The following ARSB variants were observed in gnomAD, a reference collection of about 807,000 sequenced individuals.
ARSB encodes N-acetylgalactosamine-4-sulfatase.
In ARSB, 41 loss-of-function variants were observed where a neutral mutation model predicts 50.9. The ratio of observed to expected loss-of-function variants is 0.81; its 90% CI spans 0.63 to 1.04. The LOEUF (loss-of-function observed/expected upper bound fraction) is 1.04, where lower values mean the gene tolerates loss of function less well. ARSB is among the 50% of genes least tolerant of loss of function. The probability of loss-of-function intolerance (pLI) is 0.00; values close to 1 mark genes in which losing one functional copy is unlikely to be tolerated. For missense variants in ARSB, 672 were observed against 693.3 expected (o/e 0.97, Z 0.35); for synonymous variants, 269 against 284.8 (o/e 0.94, Z 0.56).
At chr5:78,901,965 T>G (rs1748830914) in intron 4 of ARSB, among the ~76,000 whole-genome samples, 1 of 152,210 alleles carries the variant, frequency 6.6e-6, no homozygotes, top group African/African-American at 2.4e-5. Flanking sequence ...AAAAACAGTG[T>G]CTTAGTCTTG....
chr5:78,820,871 C>G (rs931955905), intron 6 of ARSB, among the ~76,000 whole-genome samples: 1 of 150,662 alleles, frequency 6.6e-6, no homozygotes, highest in Middle Eastern at 3.4e-3. Flanking sequence ...GGTTGAAAAC[C>G]ACTGATTTAT....
In ARSB at chr5:78,965,063, T is replaced by G. The variant is rs187741735; in HGVS notation, c.500-457A>C. 1.8e-3 allele frequency among the ~76,000 whole-genome samples: 267 copies of G among 152,290 alleles called. 1 individual carries two copies. Among genetic ancestry groups the G allele is most frequent in the Admixed American group, 3.7e-3 (56 of 15,302 alleles). Reference sequence around the variant, plus strand: ...GCTTCAAGGTTATTTACAGAAGTGGTTCTAGGAAGAGTCATCTTTAGTCAG... The same window carrying G: ...GCTTCAAGGTTATTTACAGAAGTGGGTCTAGGAAGAGTCATCTTTAGTCAG... On this transcript the variant is annotated intron_variant, in intron 2 of 7. Transcript: ENST00000264914.
At chr5:78,814,423 A>G (rs1743917578) in intron 6 of ARSB, among the ~76,000 whole-genome samples, 1 of 151,006 alleles carries the variant, frequency 6.6e-6, no homozygotes, top group Admixed American at 6.6e-5. Context: ...TCATGAAGCC[A>G]AGAGATGTTG....
chr5:78,941,432 T>A (rs1031760285), intron 4 of ARSB, among the ~76,000 whole-genome samples: 1 of 152,190 alleles, frequency 6.6e-6, no homozygotes, highest in African/African-American at 2.4e-5. Context: ...CATAGATAGC[T>A]CTTATTCTTT....
At chr5:78,789,975 G>C (rs895756390) in intron 6 of ARSB, among the ~76,000 whole-genome samples, 1 of 152,190 alleles carries the variant, frequency 6.6e-6, no homozygotes, top group South Asian at 2.1e-4. Context: ...GCAAGGGCTT[G>C]GCAGGGTGGT....
chr5:78,951,441 T>C (rs1751491398), intron 4 of ARSB, among the ~76,000 whole-genome samples: 1 of 151,804 alleles, frequency 6.6e-6, no homozygotes, highest in South Asian at 2.1e-4. Flanking sequence ...GATATTAAGG[T>C]GTAGGATTAA....
chr5:78,892,818 A>C (rs1713532878), intron 4 of ARSB, among the ~76,000 whole-genome samples: 1 of 152,180 alleles, frequency 6.6e-6, no homozygotes, highest in South Asian at 2.1e-4. Context: ...AGGGCAGATA[A>C]GTGCTCTGAC....
chr5:78,780,181 C>T lies in ARSB; in HGVS notation c.*216G>A. ...AAAGGGGGATAAACCCAGCCACCCC[C>T]ACCTCTAGACACATGCTCCAGCCAA... On this transcript the variant is annotated 3_prime_UTR_variant, in exon 8 of 8. Transcript: ENST00000264914. The T allele has an allele frequency of 3.3e-6, 2 of 602,104 alleles. No homozygotes were observed. Among genetic ancestry groups the T allele is most frequent in the Non-Finnish European group, 2.9e-6 (1 of 349,084 alleles). The allele number at this position is 602,104 out of a possible 1,614,324, so 37.3% of individuals were successfully genotyped here.
chr5:78,790,550 A>T (rs16875916), intron 6 of ARSB, among the ~76,000 whole-genome samples: 2,217 of 152,330 alleles, frequency 0.015, 24 homozygotes, highest in Non-Finnish European at 0.023. Context: ...TATTGTTAAG[A>T]CAATTGCCAA....
At chr5:78,953,026 C>A (rs928302612) in intron 4 of ARSB, among the ~76,000 whole-genome samples, 2 of 152,182 alleles carry the variant, frequency 1.3e-5, no homozygotes, top group Non-Finnish European at 2.9e-5. Context: ...TTGAGAATGA[C>A]TCCCAGAATC....
At chr5:78,936,680 C>T (rs1750619507) in intron 4 of ARSB, among the ~76,000 whole-genome samples, 1 of 152,176 alleles carries the variant, frequency 6.6e-6, no homozygotes, top group Admixed American at 6.5e-5. Flanking sequence ...TTTTGCATCT[C>T]TAGTCAGCAG....
chr5:78,868,033 G>C (rs552963332), intron 5 of ARSB, among the ~76,000 whole-genome samples: 46 of 137,038 alleles, frequency 3.4e-4, no homozygotes, highest in African/African-American at 8.3e-4. Flanking sequence ...CTCAGGAGCC[G>C]ATGCGATCAA....
At chr5:78,850,379 T>C (rs554557492) in intron 5 of ARSB, among the ~76,000 whole-genome samples, 3,003 of 152,248 alleles carry the variant, frequency 0.02, 81 homozygotes, top group African/African-American at 0.067. Flanking sequence ...TTGCGTATAT[T>C]GAACCAGCCT....
At position 78,922,857 on chromosome 5, in the gene ARSB, C is replaced by T. The variant is rs187878940; in HGVS notation, c.898+32438G>A. 1.8e-4 allele frequency among the ~76,000 whole-genome samples: 28 copies of T among 151,930 alleles called. No homozygotes were observed. The East Asian group carries it at 4.9e-3, about 27-fold the overall frequency. On this transcript the variant is annotated intron_variant, in intron 4 of 7. Coordinates refer to ENST00000264914, the MANE Select transcript of ARSB (RefSeq NM_000046.5). ...CAGGATGGTCTTGATCTCCTGACCT[C>T]GTGATCCTCCCGCCTCGGCCTCCCA...
intron 3 of ARSB, among the ~76,000 whole-genome samples, chr5:78,962,719 G>A (rs1200182210): frequency 2.0e-5 from 3 of 151,992 alleles, no homozygotes; most frequent in South Asian, 2.1e-4. Flanking sequence ...TAGTAGAGAC[G>A]GGGTTTCTAT....
intron 5 of ARSB, among the ~76,000 whole-genome samples, chr5:78,841,856 A>G (rs1332312469): frequency 6.6e-6 from 1 of 152,208 alleles, no homozygotes; most frequent in Non-Finnish European, 1.5e-5. Flanking sequence ...TGCAAATAGG[A>G]GCCAACCCCT....
At position 78,953,171 on chromosome 5, in the gene ARSB, C is replaced by T. The variant is rs187801776; in HGVS notation, c.898+2124G>A. ...TTATAGTATTTGGATAGCACCCACA[C>T]AAGTGAACAAGGCTGCTCAGGGTAG... On this transcript the variant is annotated intron_variant, in intron 4 of 7. Coordinates refer to ENST00000264914, the MANE Select transcript of ARSB (RefSeq NM_000046.5). Among the ~76,000 whole-genome samples the T allele has an allele frequency of 2.4e-4, 37 of 152,350 alleles. 1 individual carries two copies. Among genetic ancestry groups the T allele is most frequent in the Admixed American group, 2.4e-3 (36 of 15,314 alleles).
chr5:78,807,484 AAC>A (rs1743608509), intron 6 of ARSB, among the ~76,000 whole-genome samples: 1 of 152,182 alleles, frequency 6.6e-6, no homozygotes, highest in African/African-American at 2.4e-5. Context: ...GATTCACCTC[AAC>A]AGAGCCTAAG....
Position 78,854,700 on chromosome 5 carries a change from G to A in ARSB, c.1143-15274C>T, listed in dbSNP as rs182135266. On this transcript the variant is annotated intron_variant, in intron 5 of 7. Coordinates refer to ENST00000264914, the MANE Select transcript of ARSB (RefSeq NM_000046.5). ...TTTACACTTGTGTGTGTTTTCATGAGAATGATTATCATCTTTTTTCTTCCA... is the reference window on the plus strand; with the variant it reads ...TTTACACTTGTGTGTGTTTTCATGAAAATGATTATCATCTTTTTTCTTCCA... 5.9e-5 allele frequency among the ~76,000 whole-genome samples: 9 copies of A among 152,286 alleles called. No homozygotes were observed. The East Asian group carries it at 1.7e-3, about 29-fold the overall frequency.
Sources: gnomAD v4.1 joint callset for allele counts (sites outside exome capture counted in the v4.1 genomes callset) on GRCh38, gnomAD v4.1.1 for gene constraint, MANE v1.5 for transcripts, NCBI Gene and HGNC (gene_info 2026-07-23, HGNC 2026-07-21) for gene names.